CACNA1D: variants seen among roughly 807,000 people sequenced by gnomAD.
CACNA1D encodes voltage-dependent L-type calcium channel subunit alpha-1D.
Under a neutral mutation model 257.1 loss-of-function variants are expected in CACNA1D, and 55 were observed. The observed-to-expected ratio is 0.21, with a 90% CI of 0.17 to 0.27. The LOEUF (loss-of-function observed/expected upper bound fraction) is 0.27, where lower values mean the gene tolerates loss of function less well. Among genes scored for constraint, CACNA1D ranks in the 10% least tolerant of loss-of-function variants. The pLI, the probability that CACNA1D is intolerant of heterozygous loss-of-function variation, is 1.00. For synonymous variants in CACNA1D, 980 were observed against 1,014.9 expected, an observed-to-expected ratio of 0.97 and a Z score of 0.65; for missense variants, 1,876 against 2,784.0, an observed-to-expected ratio of 0.67 and a Z score of 7.34.
At chr3:53,524,157 C>G (rs1462027358) in intron 3 of CACNA1D, among the ~76,000 whole-genome samples, 1 of 152,054 alleles carries the variant, frequency 6.6e-6, no homozygotes, top group Non-Finnish European at 1.5e-5. Flanking sequence ...GCTCATTTTG[C>G]CTTTGAACTT....
At chr3:53,721,547 A>T (rs1342952234) in intron 11 of CACNA1D, among the ~76,000 whole-genome samples, 2 of 152,192 alleles carry the variant, frequency 1.3e-5, no homozygotes, top group Non-Finnish European at 2.9e-5. Flanking sequence ...GCTAAGGGAG[A>T]GAATATTTTC....
At chr3:53,557,002 C>T (rs547107628) in intron 3 of CACNA1D, among the ~76,000 whole-genome samples, 3 of 152,222 alleles carry the variant, frequency 2.0e-5, no homozygotes, top group East Asian at 1.9e-4. Flanking sequence ...AGGCATGAGC[C>T]ACCATGCCCA....
chr3:53,573,221 G>T (rs537612508), intron 3 of CACNA1D, among the ~76,000 whole-genome samples: 120 of 152,158 alleles, frequency 7.9e-4, no homozygotes, highest in African/African-American at 2.7e-3. Context: ...TAATTGATCT[G>T]GTTATTCTCT....
chr3:53,675,253 C>G (rs554887736), intron 8 of CACNA1D, among the ~76,000 whole-genome samples: 1 of 152,214 alleles, frequency 6.6e-6, no homozygotes, highest in Non-Finnish European at 1.5e-5. Flanking sequence ...GCTCCTCAAG[C>G]CTCCGGCCCT....
At chr3:53,674,518 A>G (rs1470882919) in intron 8 of CACNA1D, among the ~76,000 whole-genome samples, 1 of 152,166 alleles carries the variant, frequency 6.6e-6, no homozygotes, top group Non-Finnish European at 1.5e-5. Flanking sequence ...CTTGTTTATC[A>G]CTTCCTCTCT....
chr3:53,610,875 G>A (rs1006114262), intron 3 of CACNA1D, among the ~76,000 whole-genome samples: 4 of 152,126 alleles, frequency 2.6e-5, no homozygotes, highest in Non-Finnish European at 5.9e-5. Context: ...TCCATTTGGT[G>A]TCATTTTCCT....
chr3:53,590,255 C>T (rs542443014), intron 3 of CACNA1D, among the ~76,000 whole-genome samples: 1 of 152,340 alleles, frequency 6.6e-6, no homozygotes, highest in East Asian at 1.9e-4. Context: ...TAGACCGTGT[C>T]CTCTCCCCAG....
chr3:53,623,114 A>G (rs935406827), intron 3 of CACNA1D, among the ~76,000 whole-genome samples: 1 of 152,192 alleles, frequency 6.6e-6, no homozygotes, highest in African/African-American at 2.4e-5. Context: ...GATGGTCTGG[A>G]TCTGACCTCG....
Position 53,739,796 on chromosome 3 carries a change from A to G in CACNA1D, c.2752-484A>G, listed in dbSNP as rs962868356. 2.6e-5 allele frequency among the ~76,000 whole-genome samples: 4 copies of G among 152,294 alleles called. No homozygotes were observed. In the South Asian group the frequency reaches 8.3e-4, roughly 32 times the overall value. On this transcript the variant is annotated intron_variant, in intron 20 of 47. Transcript: ENST00000350061. ...TACACAGGCTGGAATGCGAGGGGGC[A>G]TATGGAAGCTACTGGCTCCGACAGA...
At chr3:53,529,418 A>C (rs2091874827) in intron 3 of CACNA1D, among the ~76,000 whole-genome samples, 1 of 152,132 alleles carries the variant, frequency 6.6e-6, no homozygotes, top group Admixed American at 6.5e-5. Context: ...ATTTTAGCAT[A>C]GGCTTTTTAC....
chr3:53,521,640 T>C lies in CACNA1D; in HGVS notation c.483+19920T>C, dbSNP rs1377913925. Among the ~76,000 whole-genome samples, 3 of 152,216 alleles carry C rather than the reference T, an allele frequency of 2.0e-5. No homozygotes were observed. In the East Asian group the frequency reaches 5.8e-4, roughly 29 times the overall value. The stretch of plus-strand genomic sequence containing the variant: ...TGGGTGTATATGTAGGGAAAGATAA[T>C]TGGTAGGCTCTGAAGCACACAGTTC... On this transcript the variant is annotated intron_variant, in intron 3 of 47. Transcript: ENST00000350061.
At chr3:53,549,512 G>C (rs1384927018) in intron 3 of CACNA1D, among the ~76,000 whole-genome samples, 1 of 152,082 alleles carries the variant, frequency 6.6e-6, no homozygotes, top group Non-Finnish European at 1.5e-5. Context: ...TGTAAAATGA[G>C]GTAGGAAATC....
chr3:53,498,192 G>C (rs757594222), intron 2 of CACNA1D, among the ~76,000 whole-genome samples: 1 of 152,200 alleles, frequency 6.6e-6, no homozygotes, highest in Non-Finnish European at 1.5e-5. Flanking sequence ...ATGAGTTATA[G>C]AACAGCCTTT....
chr3:53,630,980 C>T, intron 3 of CACNA1D, among the ~76,000 whole-genome samples: 1 of 152,176 alleles, frequency 6.6e-6, no homozygotes, highest in East Asian at 1.9e-4. Flanking sequence ...ACTAAAAATG[C>T]TAATGATCAT....
At chr3:53,598,712 A>C (rs984260276) in intron 3 of CACNA1D, among the ~76,000 whole-genome samples, 1 of 152,228 alleles carries the variant, frequency 6.6e-6, no homozygotes, top group Non-Finnish European at 1.5e-5. Context: ...GCCTGGCTTC[A>C]GAAGAATTAC....
chr3:53,666,153 G>C (rs1213596171), intron 6 of CACNA1D, among the ~76,000 whole-genome samples, 186 bp from the exon 7 acceptor site: 1 of 151,214 alleles, frequency 6.6e-6, no homozygotes, highest in Non-Finnish European at 1.5e-5. Context: ...GCTGACAAGA[G>C]GAAATGGCAG....
chr3:53,524,525 C>A (rs187471790), intron 3 of CACNA1D, among the ~76,000 whole-genome samples: 2 of 152,306 alleles, frequency 1.3e-5, no homozygotes, highest in Admixed American at 6.5e-5. Context: ...TTGAAAATGT[C>A]CTAGGCTCAG....
Position 53,511,464 on chromosome 3 carries a change from C to G in CACNA1D, c.483+9744C>G, listed in dbSNP as rs1187470049. Among the ~76,000 whole-genome samples the G allele has an allele frequency of 2.6e-5, 4 of 152,198 alleles. No homozygotes were observed. In the East Asian group the frequency reaches 7.7e-4, roughly 29 times the overall value. ...CTAGGAAGCACATCCAAGGAGGAAT[C>G]TCCAGCGCAGGTCCTTGTGTAAGGT... On this transcript the variant is annotated intron_variant, in intron 3 of 47. Coordinates refer to ENST00000350061, the MANE Select transcript of CACNA1D (RefSeq NM_001128840.3).
intron 3 of CACNA1D, among the ~76,000 whole-genome samples, chr3:53,627,839 C>A (rs1237584808): frequency 6.6e-6 from 1 of 151,864 alleles, no homozygotes; most frequent in Non-Finnish European, 1.5e-5. Flanking sequence ...ATGGTGAAAC[C>A]CCATCTCTAC....
Sources: allele counts gnomAD v4.1 joint callset (sites outside exome capture counted in the v4.1 genomes callset), GRCh38; gene constraint gnomAD v4.1.1; transcripts MANE v1.5; gene names NCBI Gene and HGNC (gene_info 2026-07-23, HGNC 2026-07-21).